GMDS: variants seen among roughly 807,000 people sequenced by gnomAD.
GMDS encodes GDP-mannose 4,6-dehydratase, also known as GDP-mannose 4,6 dehydratase.
A neutral mutation model predicts 49.9 loss-of-function variants in GMDS; 20 were observed. The ratio of observed to expected loss-of-function variants is 0.40; its 90% confidence interval spans 0.28 to 0.58. GMDS has a LOEUF of 0.58. GMDS is among the 20% of genes least tolerant of loss of function. The pLI, the probability that GMDS is intolerant of heterozygous loss-of-function variation, is 0.42. For missense variants in GMDS, 362 were observed against 481.4 expected (o/e 0.75, Z 2.32); for synonymous variants, 177 against 178.6 (o/e 0.99, Z 0.07).
Position 2,228,206 on chromosome 6 carries a change from G to A in GMDS, c.102+17115C>T, listed in dbSNP as rs535941158. On this transcript the variant is annotated intron_variant, in intron 1 of 10. Transcript: ENST00000380815. ...CCTTCTGTGTCACTCAGGATTAAAC[G>A]TTTATGACATCCCACCACTGATCTA... Among the ~76,000 whole-genome samples, 18 of 152,242 alleles carry A rather than the reference G, an allele frequency of 1.2e-4. 1 individual carries two copies. In the South Asian group the frequency reaches 2.3e-3, roughly 19 times the overall value.
At chr6:2,207,928 A>C (rs1581797213) in intron 1 of GMDS, among the ~76,000 whole-genome samples, 1 of 152,096 alleles carries the variant, frequency 6.6e-6, no homozygotes, top group East Asian at 1.9e-4. Context: ...GAAATTAAGC[A>C]TATATATGTT....
chr6:2,024,547 G>A (rs1768468431), intron 4 of GMDS, among the ~76,000 whole-genome samples: 1 of 151,974 alleles, frequency 6.6e-6, no homozygotes, highest in African/African-American at 2.4e-5. Context: ...AGTAGGCAAT[G>A]GGAACTATTA....
intron 4 of GMDS, among the ~76,000 whole-genome samples, chr6:1,966,047 G>A (rs1312885556): frequency 6.6e-6 from 1 of 152,140 alleles, no homozygotes; most frequent in Non-Finnish European, 1.5e-5. Context: ...TTCTATGCTT[G>A]TTTCCACACT....
At chr6:1,625,694 GA>G (rs1762832740) in intron 9 of GMDS, among the ~76,000 whole-genome samples, 1 of 152,178 alleles carries the variant, frequency 6.6e-6, no homozygotes, top group South Asian at 2.1e-4. Flanking sequence ...AGGAAAGAAG[GA>G]AGAAAGGAGG....
intron 4 of GMDS, among the ~76,000 whole-genome samples, chr6:2,087,827 T>C (rs1482783674): frequency 3.3e-5 from 5 of 152,196 alleles, no homozygotes; most frequent in Admixed American, 3.3e-4. Context: ...GCCAGAATGT[T>C]AGATTGAGTG....
At chr6:1,682,966 G>C (rs1299033535) in intron 9 of GMDS, among the ~76,000 whole-genome samples, 1 of 152,232 alleles carries the variant, frequency 6.6e-6, no homozygotes, top group Non-Finnish European at 1.5e-5. Context: ...GTTGGTCCTA[G>C]AAGCCCCCAA....
At chr6:2,136,606 G>A (rs1194037875) in intron 1 of GMDS, among the ~76,000 whole-genome samples, 3 of 152,172 alleles carry the variant, frequency 2.0e-5, no homozygotes, top group Non-Finnish European at 4.4e-5. Flanking sequence ...GTGTGTCCCA[G>A]CTGCTCAGGA....
chr6:2,003,383 C>T (rs1581499087), intron 4 of GMDS, among the ~76,000 whole-genome samples: 4 of 152,102 alleles, frequency 2.6e-5, no homozygotes, highest in East Asian at 1.9e-4. Flanking sequence ...AAATAATTTA[C>T]TTAAAATTCC....
At chr6:2,200,019 T>C (rs1779438148) in intron 1 of GMDS, among the ~76,000 whole-genome samples, 2 of 152,216 alleles carry the variant, frequency 1.3e-5, no homozygotes, top group Non-Finnish European at 2.9e-5. Context: ...ATGAACACTG[T>C]GATCTGGAAA....
At chr6:1,978,629 G>A (rs894083329) in intron 4 of GMDS, among the ~76,000 whole-genome samples, 13 of 152,266 alleles carry the variant, frequency 8.5e-5, no homozygotes, top group South Asian at 4.1e-4. Flanking sequence ...GGGGCAGAGC[G>A]CCTGAGTGGT....
rs115187603 is a variant in GMDS at position 1,941,745 on chromosome 6, G to C, written c.644-11515C>G. ...GACGGAGAAACTGATCCAGGAGAGA[G>C]GTGAGAATTGCTGATGCCAAGTCTT... On this transcript the variant is annotated intron_variant, in intron 6 of 10. Coordinates refer to ENST00000380815, the MANE Select transcript of GMDS (RefSeq NM_001500.4). 3.2e-3 allele frequency among the ~76,000 whole-genome samples: 484 copies of C among 152,236 alleles called. 3 individuals carry two copies. Among genetic ancestry groups the C allele is most frequent in the African/African-American group, 0.011 (461 of 41,538 alleles).
chr6:1,682,959 G>A (rs1362794318), intron 9 of GMDS, among the ~76,000 whole-genome samples: 1 of 152,180 alleles, frequency 6.6e-6, no homozygotes, highest in Non-Finnish European at 1.5e-5. Flanking sequence ...TGGCCTAGTT[G>A]GTCCTAGAAG....
At chr6:1,848,425 C>T (rs1340663734) in intron 7 of GMDS, among the ~76,000 whole-genome samples, 1 of 152,206 alleles carries the variant, frequency 6.6e-6, no homozygotes, top group Non-Finnish European at 1.5e-5. Flanking sequence ...CTGGCTCCTA[C>T]TGCCTTTAAA....
chr6:1,717,664 A>C (rs1766222145), intron 9 of GMDS: 1 of 152,218 alleles, frequency 6.6e-6, no homozygotes, highest in Admixed American at 6.5e-5. Flanking sequence ...AAAACAAAAT[A>C]AATATTTAAA....
chr6:1,721,640 C>CT (rs1404306611), intron 9 of GMDS, among the ~76,000 whole-genome samples: 13 of 150,950 alleles, frequency 8.6e-5, no homozygotes, highest in Non-Finnish European at 1.5e-4. Context: ...AATCTCTTTG[C>CT]TTTTTTTTTC....
chr6:1,716,581 G>C lies in GMDS; in HGVS notation c.987+9835C>G, dbSNP rs140632929. ...GGAGGTGAGGCGGTGAAGAGGGGTG[G>C]CCTGCTGGCTGCGTGAGAGAAGGCC... On this transcript the variant is annotated intron_variant, in intron 9 of 10. Transcript: ENST00000380815. Among the ~76,000 whole-genome samples, 553 of 152,326 alleles carry C rather than the reference G, an allele frequency of 3.6e-3. 5 individuals are homozygous for C. The highest frequency in any genetic ancestry group is 0.012 in the African/African-American group (506 of 41,578).
chr6:2,043,949 C>G (rs956039635), intron 4 of GMDS, among the ~76,000 whole-genome samples: 1 of 152,006 alleles, frequency 6.6e-6, no homozygotes, highest in African/African-American at 2.4e-5. Flanking sequence ...GTGTGGCCAA[C>G]AAGCATATGA....
chr6:2,163,474 G>A (rs1255992469), intron 1 of GMDS, among the ~76,000 whole-genome samples: 10 of 152,072 alleles, frequency 6.6e-5, no homozygotes, highest in South Asian at 2.1e-4. Context: ...AAACTGGCTC[G>A]TGTGATTATA....
At chr6:2,132,098 A>T (rs1450712623) in intron 1 of GMDS, among the ~76,000 whole-genome samples, 1 of 152,206 alleles carries the variant, frequency 6.6e-6, no homozygotes, top group African/African-American at 2.4e-5. Flanking sequence ...TTTACAGATG[A>T]GGAATCTGAG....
Sources: gnomAD v4.1 joint callset for allele counts (sites outside exome capture counted in the v4.1 genomes callset) on GRCh38, gnomAD v4.1.1 for gene constraint, MANE v1.5 for transcripts, NCBI Gene and HGNC (gene_info 2026-07-23, HGNC 2026-07-21) for gene names.